PTPRA: variants seen among roughly 807,000 people sequenced by gnomAD.
PTPRA encodes the protein protein tyrosine phosphatase receptor type A.
A neutral mutation model predicts 104.8 loss-of-function variants in PTPRA; 25 were observed. The observed-to-expected ratio is 0.24, with a 90% confidence interval of 0.17 to 0.33. The LOEUF (loss-of-function observed/expected upper bound fraction) is 0.33, where lower values mean the gene tolerates loss of function less well. PTPRA is among the 10% of genes least tolerant of loss of function. The pLI is 1.00. For missense variants in PTPRA, 765 were observed against 1,015.3 expected, an observed-to-expected ratio of 0.75 and a Z score of 3.35; for synonymous variants, 323 against 368.9, an observed-to-expected ratio of 0.88 and a Z score of 1.43.
intron 19 of PTPRA, 37 bp downstream of exon 19, chr20:3,027,234 C>T (rs1555813690): frequency 1.3e-6 from 2 of 1,591,204 alleles, no homozygotes; most frequent in Non-Finnish European, 1.7e-6. Context: ...CCCCAACACC[C>T]CGTGGAGATT....
At chr20:2,874,335 C>A (rs929158596) in intron 1 of PTPRA, among the ~76,000 whole-genome samples, 2 of 150,660 alleles carry the variant, frequency 1.3e-5, no homozygotes, top group Non-Finnish European at 2.9e-5. Context: ...TTTTTACTTT[C>A]GGTAAATAAA....
chr20:3,006,730 C>T (rs2063891111), intron 10 of PTPRA, among the ~76,000 whole-genome samples: 1 of 152,178 alleles, frequency 6.6e-6, no homozygotes, highest in Admixed American at 6.5e-5. Context: ...TGGGTTCAAG[C>T]CATTTTCCTG....
At chr20:2,866,781 A>C in the PTPRA span, 2 of 696,420 alleles carry the variant, frequency 2.9e-6, no homozygotes, top group Non-Finnish European at 2.3e-6. Context: ...AGCTCAAGAC[A>C]GGATCCTCCA....
chr20:3,016,914 G>A (rs139910097), intron 12 of PTPRA, among the ~76,000 whole-genome samples: 44 of 152,180 alleles, frequency 2.9e-4, no homozygotes, highest in African/African-American at 1.0e-3. Flanking sequence ...TCAGACAGAC[G>A]TGTACCCACA....
At chr20:3,015,713 A>C (rs573702393) in intron 11 of PTPRA, 136 bp from the exon 12 acceptor site, 6 of 675,474 alleles carry the variant, frequency 8.9e-6, no homozygotes, top group East Asian at 8.2e-5. Context: ...TCCCTTGTGA[A>C]TATCTAGACT....
At chr20:2,954,077 CTT>C (rs35144002) in intron 3 of PTPRA, among the ~76,000 whole-genome samples, 1,270 of 102,556 alleles carry the variant, frequency 0.012, 21 homozygotes, top group African/African-American at 0.039. Context: ...ACCCGGCTAA[CTT>C]TTTTTTTTTT....
chr20:3,006,462 A>C (rs1228964869), intron 10 of PTPRA, among the ~76,000 whole-genome samples: 1 of 152,210 alleles, frequency 6.6e-6, no homozygotes, highest in Non-Finnish European at 1.5e-5. Context: ...TACGTGCATG[A>C]GCCACCACAT....
chr20:3,014,699 T>C (rs1278453565), intron 11 of PTPRA, among the ~76,000 whole-genome samples: 1 of 152,110 alleles, frequency 6.6e-6, no homozygotes, highest in Non-Finnish European at 1.5e-5. Context: ...ATTTGGCCAC[T>C]GCCTTGCAGC....
At chr20:3,026,837 C>A in intron 18 of PTPRA, 57 bp downstream of exon 18, 14 of 1,402,876 alleles carry the variant, frequency 1.0e-5, no homozygotes, top group Non-Finnish European at 1.4e-5. Context: ...ATTCCCTCCA[C>A]CCCTTCCATT....
At chr20:2,951,058 G>A (rs767201689) in intron 3 of PTPRA, among the ~76,000 whole-genome samples, 10 of 152,038 alleles carry the variant, frequency 6.6e-5, no homozygotes, top group Non-Finnish European at 1.0e-4. Flanking sequence ...AAATCATGTA[G>A]TATAGTATTA....
At chr20:2,997,227 C>G (rs1026118326) in intron 9 of PTPRA, among the ~76,000 whole-genome samples, 6 of 151,586 alleles carry the variant, frequency 4.0e-5, no homozygotes, top group African/African-American at 1.5e-4. Context: ...GTCTGAAAGA[C>G]TACAAATTGT....
intron 1 of PTPRA, among the ~76,000 whole-genome samples, chr20:2,885,105 G>A (rs1480344377): frequency 6.6e-6 from 1 of 152,138 alleles, no homozygotes; most frequent in Non-Finnish European, 1.5e-5. Flanking sequence ...CCGGTTTGAG[G>A]AACCACTGAC....
At chr20:2,878,577 G>A (rs1259669272) in intron 1 of PTPRA, among the ~76,000 whole-genome samples, 4 of 152,012 alleles carry the variant, frequency 2.6e-5, no homozygotes, top group African/African-American at 9.7e-5. Context: ...ATTATAAATG[G>A]TACTTTTATA....
chr20:2,935,221 C>T (rs2060647976), intron 2 of PTPRA, among the ~76,000 whole-genome samples: 3 of 152,084 alleles, frequency 2.0e-5, no homozygotes, highest in Admixed American at 1.3e-4. Context: ...TTACATTCCA[C>T]GTGTAAGTGA....
In PTPRA at chr20:2,933,962, AT is replaced by A. The variant is rs1600135280; in HGVS notation, c.-50+10678del. On this transcript the variant is annotated intron_variant, in intron 2 of 23. Transcript: ENST00000399903. ...TCAAATGTTTTCTTCAAATTGTTTTATAGTTTATTGGTACTTATTTACATTC... is the reference window on the plus strand; with the variant it reads ...TCAAATGTTTTCTTCAAATTGTTTTAAGTTTATTGGTACTTATTTACATTC... 2.6e-5 allele frequency among the ~76,000 whole-genome samples: 4 copies of A among 152,314 alleles called. No homozygotes were observed. In the East Asian group the frequency reaches 7.7e-4, roughly 29 times the overall value.
chr20:3,032,584 G>A (rs768128518), intron 20 of PTPRA, among the ~76,000 whole-genome samples: 35 of 151,772 alleles, frequency 2.3e-4, no homozygotes, highest in Non-Finnish European at 4.1e-4. Flanking sequence ...TGGCCAACAT[G>A]GCAAAACCCC....
At chr20:2,953,222 T>G (rs1207309654) in intron 3 of PTPRA, among the ~76,000 whole-genome samples, 1 of 152,040 alleles carries the variant, frequency 6.6e-6, no homozygotes, top group Non-Finnish European at 1.5e-5. Flanking sequence ...TGTTGTTTTC[T>G]GGATTTTTTT....
At chr20:3,018,644 A>G (rs1330995116) in intron 13 of PTPRA, among the ~76,000 whole-genome samples, 5 of 151,660 alleles carry the variant, frequency 3.3e-5, no homozygotes, top group African/African-American at 1.2e-4. Flanking sequence ...AGACACGGCA[A>G]CCATCCGATT....
At chr20:2,893,652 C>T (rs951084145) in intron 1 of PTPRA, among the ~76,000 whole-genome samples, 2 of 152,026 alleles carry the variant, frequency 1.3e-5, no homozygotes, top group Non-Finnish European at 2.9e-5. Flanking sequence ...TTTATTGTTG[C>T]TTATCCATGG....
Sources: gnomAD v4.1 joint callset for allele counts (sites outside exome capture counted in the v4.1 genomes callset) on GRCh38, gnomAD v4.1.1 for gene constraint, MANE v1.5 for transcripts, NCBI Gene and HGNC (gene_info 2026-07-23, HGNC 2026-07-21) for gene names.